Variants in KCNAB2 observed in about 807,000 individuals in gnomAD.
KCNAB2 encodes voltage-gated potassium channel subunit beta-2.
Under a neutral mutation model 63.6 loss-of-function variants are expected in KCNAB2, and 29 were observed. That is an observed-to-expected ratio of 0.46 (90% CI 0.34 to 0.62). The LOEUF (loss-of-function observed/expected upper bound fraction) is 0.62. Among genes scored for constraint, KCNAB2 ranks in the 20% least tolerant of loss-of-function variants. The pLI, the probability that KCNAB2 is intolerant of heterozygous loss-of-function variation, is 0.01. For synonymous variants in KCNAB2, 222 were observed against 224.2 expected, an observed-to-expected ratio of 0.99 and a Z score of 0.09; for missense variants, 359 against 563.9, an observed-to-expected ratio of 0.64 and a Z score of 3.68.
intron 2 of KCNAB2, among the ~76,000 whole-genome samples, chr1:6,061,523 A>G (rs1273019152): frequency 1.3e-5 from 2 of 152,210 alleles, no homozygotes; most frequent in Non-Finnish European, 2.9e-5. Flanking sequence ...CACCATTGAC[A>G]CTTGGGCTGG....
At position 6,073,881 on chromosome 1, in the gene KCNAB2, AG is replaced by A; in HGVS notation, c.300+112del. ...ACGTGCTCCCGGGAGCCAGCGCAGC[AG>A]CCTCCCTCCCTCTTTCTGTTTTGTG... is the stretch of plus-strand genomic sequence containing the variant. On this transcript the variant is annotated intron_variant, in intron 4 of 15. Coordinates refer to ENST00000378083, the MANE Select transcript of KCNAB2 (RefSeq NM_001199862.2). The surrounding 1 kb of genome is among the most constrained non-coding windows in gnomAD (Gnocchi z 5.7). The A allele has an allele frequency of 9.1e-7, 1 of 1,102,530 alleles. No individual in the cohort carries two copies. 68.3% of individuals were successfully genotyped at this position (1,102,530 alleles called of 1,614,324 possible). A position where few individuals can be genotyped will look rare whatever the true frequency, so the allele number is the denominator to read the frequency against.
intron 7 of KCNAB2, among the ~76,000 whole-genome samples, chr1:6,088,545 G>T (rs1392946671): frequency 6.6e-6 from 1 of 151,544 alleles, no homozygotes; most frequent in Admixed American, 6.6e-5. Context: ...ACCACGCCTG[G>T]CATTAATTTG....
upstream of KCNAB2, among the ~76,000 whole-genome samples, chr1:6,040,960 T>C (rs1318355377): frequency 1.3e-5 from 2 of 152,164 alleles, no homozygotes; most frequent in Non-Finnish European, 2.9e-5. Flanking sequence ...GGACAGTGAG[T>C]GCACGGCCAA....
chr1:6,072,738 T>C lies in KCNAB2; in HGVS notation c.219-17T>C, dbSNP rs1169697600. 1 of 1,613,320 alleles carries C rather than the reference T, an allele frequency of 6.2e-7. No homozygotes were observed. The highest frequency in any genetic ancestry group is 8.5e-7 in the Non-Finnish European group (1 of 1,179,614). On this transcript the variant is annotated splice_polypyrimidine_tract_variant and intron_variant, in intron 2 of 15. Coordinates refer to ENST00000378083, the MANE Select transcript of KCNAB2 (RefSeq NM_001199862.2). ...CCTGCCTGGGTGCTGAGAACTCACGTGGCGTTTGTTTTTCAGGAACCTGGG... is the reference window on the plus strand; with the variant it reads ...CCTGCCTGGGTGCTGAGAACTCACGCGGCGTTTGTTTTTCAGGAACCTGGG...
intron 15 of KCNAB2, chr1:6,097,574 G>A (rs1665754927): frequency 1.2e-6 from 1 of 810,476 alleles, no homozygotes; most frequent in African/African-American, 1.7e-5. Context: ...GTGTGTCAGG[G>A]TGGACGAGCG....
chr1:6,026,880 C>T (rs1659221361), intron 1 of KCNAB2, among the ~76,000 whole-genome samples: 1 of 152,182 alleles, frequency 6.6e-6, no homozygotes, highest in African/African-American at 2.4e-5. Flanking sequence ...TCTGCTGTCT[C>T]TCGGGAGGCC....
At chr1:6,018,995 A>T (rs1296171520) in intron 1 of KCNAB2, among the ~76,000 whole-genome samples, 1 of 152,190 alleles carries the variant, frequency 6.6e-6, no homozygotes, top group Non-Finnish European at 1.5e-5. Flanking sequence ...CTTTCGTTTA[A>T]AACTGTAAAA....
At chr1:6,001,207 A>G (rs1392751239) in intron 1 of KCNAB2, among the ~76,000 whole-genome samples, 2 of 151,992 alleles carry the variant, frequency 1.3e-5, no homozygotes, top group Non-Finnish European at 2.9e-5. Flanking sequence ...GAAGCTGAAC[A>G]GGGTCCCTCT....
rs951719416 is a variant in KCNAB2, at chr1:6,055,501, A to G, written c.218+3747A>G. On this transcript the variant is annotated intron_variant, in intron 2 of 15. Coordinates refer to ENST00000378083, the MANE Select transcript of KCNAB2 (RefSeq NM_001199862.2). ...CTCCCAAGTAGCTGGGACTGCAGGGATGCACCACCATGCCTGACTAATTTT... is the reference window on the plus strand; with the variant it reads ...CTCCCAAGTAGCTGGGACTGCAGGGGTGCACCACCATGCCTGACTAATTTT... Among the ~76,000 whole-genome samples the G allele has an allele frequency of 2.6e-5, 4 of 151,866 alleles. No individual in the cohort carries two copies. The South Asian group carries it at 6.3e-4, about 24-fold the overall frequency.
At chr1:6,019,308 GAAAT>G (rs1658685775) in intron 1 of KCNAB2, among the ~76,000 whole-genome samples, 1 of 152,102 alleles carries the variant, frequency 6.6e-6, no homozygotes, top group Non-Finnish European at 1.5e-5. Context: ...AAAATTAAAT[GAAAT>G]AAATAAAACT....
At chr1:6,067,286 C>T (rs1329217670) in intron 2 of KCNAB2, among the ~76,000 whole-genome samples, 4 of 152,180 alleles carry the variant, frequency 2.6e-5, no homozygotes, top group Admixed American at 2.0e-4. Flanking sequence ...AAACAGGAAC[C>T]GAACTGGGGA....
chr1:6,068,186 T>G (rs987225657), intron 2 of KCNAB2, among the ~76,000 whole-genome samples: 6 of 152,208 alleles, frequency 3.9e-5, no homozygotes, highest in African/African-American at 1.4e-4. Flanking sequence ...AATTGGAAAG[T>G]GTGGCTGTTA....
chr1:6,004,577 A>AC lies in KCNAB2; in HGVS notation c.-53+11796dup, dbSNP rs995272862. ...GTAGTGTTCCTTGGCTTGTAGAAAC[A>AC]CCCCCCCGAGATTCTGCCCCCATCG... On this transcript the variant is annotated intron_variant, in intron 1 of 16. Coordinates refer to the KCNAB2 transcript ENST00000341524. Among the ~76,000 whole-genome samples, 32 of 141,218 alleles carry AC rather than the reference A, an allele frequency of 2.3e-4. 1 individual carries two copies. The South Asian group carries it at 4.4e-3, about 19-fold the overall frequency. The allele number at this position is 141,218 out of a possible 152,430, so 92.6% of individuals were successfully genotyped here. A position where few individuals can be genotyped will look rare whatever the true frequency, so the allele number is the denominator to read the frequency against.
At chr1:6,072,227 C>T (rs1571024611) in intron 2 of KCNAB2, among the ~76,000 whole-genome samples, 1 of 152,190 alleles carries the variant, frequency 6.6e-6, no homozygotes, top group South Asian at 2.1e-4. Context: ...GAAGGGCTGG[C>T]CTTGCTTGAG....
chr1:6,075,788 A>G (rs1440233212), intron 4 of KCNAB2, among the ~76,000 whole-genome samples: 1 of 152,208 alleles, frequency 6.6e-6, no homozygotes, highest in Non-Finnish European at 1.5e-5. Context: ...GTTCAGTGGC[A>G]TTAAGTACAT....
At chr1:6,040,626 T>C in exon 2 of KCNAB2, 9 of 1,613,158 alleles carry the variant, frequency 5.6e-6, no homozygotes, top group Non-Finnish European at 6.8e-6. Context: ...GCAGACGGGC[T>C]CCCCCGGGAT....
chr1:6,023,900 A>G (rs1658987211), intron 1 of KCNAB2, among the ~76,000 whole-genome samples: 1 of 151,216 alleles, frequency 6.6e-6, no homozygotes, highest in Non-Finnish European at 1.5e-5. Context: ...AGCCTCCTAA[A>G]TAGCTGGGAC....
At chr1:5,993,286 G>A (rs1442740737) in intron 1 of KCNAB2, among the ~76,000 whole-genome samples, 1 of 151,620 alleles carries the variant, frequency 6.6e-6, no homozygotes, top group Admixed American at 6.6e-5. Context: ...GTGTCGCTCC[G>A]GTCCCTTTCC....
At chr1:6,033,310 T>C (rs1213095634), upstream of KCNAB2, among the ~76,000 whole-genome samples, 1 of 150,742 alleles carries the variant, frequency 6.6e-6, no homozygotes, top group Non-Finnish European at 1.5e-5. Flanking sequence ...CATATGTGTG[T>C]GTGCATTGCA....
Sources: allele counts gnomAD v4.1 joint callset (sites outside exome capture counted in the v4.1 genomes callset), GRCh38; gene constraint gnomAD v4.1.1; non-coding constraint Gnocchi (gnomAD v3.1); transcripts MANE v1.5; gene names NCBI Gene and HGNC (gene_info 2026-07-23, HGNC 2026-07-21).